Variants in LRRC28 observed in about 807,000 individuals in gnomAD.
LRRC28 encodes leucine-rich repeat-containing protein 28.
A neutral mutation model predicts 45.7 loss-of-function variants in LRRC28; 39 were observed. The observed-to-expected ratio is 0.85, with a 90% CI of 0.66 to 1.12. The LOEUF is 1.12. LRRC28 is among the 50% of genes most tolerant of loss of function. The probability of loss-of-function intolerance (pLI) is 0.00; values close to 1 mark genes in which losing one functional copy is unlikely to be tolerated. For synonymous variants in LRRC28, 206 were observed against 178.8 expected (o/e 1.15, Z -1.22); for missense variants, 435 against 438.5 (o/e 0.99, Z 0.07).
At chr15:99,358,569 A>C (rs191908128) in intron 7 of LRRC28, among the ~76,000 whole-genome samples, 67 of 152,348 alleles carry the variant, frequency 4.4e-4, no homozygotes, top group Admixed American at 3.7e-3. Context: ...TAGAACTGAC[A>C]CAGAATTAAA....
intron 9 of LRRC28, among the ~76,000 whole-genome samples, chr15:99,377,839 G>T (rs1597465966): frequency 2.0e-5 from 3 of 152,292 alleles, no homozygotes; most frequent in Admixed American, 2.0e-4. Flanking sequence ...GTTTGTCAAA[G>T]ATCAGATGGT....
At chr15:99,381,381 A>T (rs1957818952) in intron 9 of LRRC28, among the ~76,000 whole-genome samples, 2 of 152,174 alleles carry the variant, frequency 1.3e-5, no homozygotes, top group African/African-American at 4.8e-5. Context: ...TTTCAGCTCC[A>T]TCAGGTCATT....
chr15:99,280,525 C>T (rs765542457), intron 3 of LRRC28, among the ~76,000 whole-genome samples: 27 of 151,224 alleles, frequency 1.8e-4, no homozygotes, highest in Non-Finnish European at 3.2e-4. Context: ...TCAGCACGTT[C>T]ATGATATTCA....
intron 3 of LRRC28, chr15:99,285,400 A>C: frequency 1.3e-6 from 1 of 748,462 alleles, no homozygotes; most frequent in Non-Finnish European, 2.4e-6. Flanking sequence ...TGGTATAGTG[A>C]CAAACCCAAA....
At chr15:99,322,123 A>G (rs1279654264) in intron 5 of LRRC28, among the ~76,000 whole-genome samples, 2 of 152,196 alleles carry the variant, frequency 1.3e-5, no homozygotes, top group African/African-American at 2.4e-5. Flanking sequence ...TGGGCCAGAC[A>G]GAAGGAAGGA....
chr15:99,316,985 A>G (rs1955617751), intron 5 of LRRC28, among the ~76,000 whole-genome samples: 1 of 148,294 alleles, frequency 6.7e-6, no homozygotes, highest in African/African-American at 2.5e-5. Context: ...AACAGGTGTG[A>G]GCCACCTACT....
At chr15:99,321,181 A>G (rs1955782579) in intron 5 of LRRC28, among the ~76,000 whole-genome samples, 2 of 152,204 alleles carry the variant, frequency 1.3e-5, no homozygotes, top group Admixed American at 1.3e-4. Flanking sequence ...CTATATCAAG[A>G]TCTTAAGGGA....
intron 9 of LRRC28, among the ~76,000 whole-genome samples, chr15:99,382,752 CATTTGAAAAA>C (rs1957867254): frequency 1.7e-5 from 2 of 117,234 alleles, no homozygotes; most frequent in South Asian, 3.4e-4. Flanking sequence ...GGTCCATGGG[CATTTGAAAAA>C]AACAACGTAG....
chr15:99,299,628 G>A (rs1213675022), intron 5 of LRRC28, among the ~76,000 whole-genome samples: 1 of 152,096 alleles, frequency 6.6e-6, no homozygotes, highest in South Asian at 2.1e-4. Flanking sequence ...TAGAGTTAAC[G>A]CTTGTTTTAA....
chr15:99,338,813 A>G (rs1956411534), intron 6 of LRRC28, among the ~76,000 whole-genome samples: 1 of 152,258 alleles, frequency 6.6e-6, no homozygotes, highest in African/African-American at 2.4e-5. Context: ...GTCTTTGAGT[A>G]TGTTTCCCTA....
At chr15:99,276,711 G>A in intron 3 of LRRC28, 95 bp downstream of exon 3, 2 of 1,029,044 alleles carry the variant, frequency 1.9e-6, no homozygotes, top group Non-Finnish European at 2.7e-6. Context: ...GTATTAATTT[G>A]TTATTTTTTG....
At chr15:99,286,398 T>G (rs2081960758) in intron 3 of LRRC28, among the ~76,000 whole-genome samples, 1 of 152,218 alleles carries the variant, frequency 6.6e-6, no homozygotes. Context: ...CCCAAAGTGC[T>G]GGGATTACAG....
At chr15:99,330,402 A>G (rs116018967) in intron 5 of LRRC28, among the ~76,000 whole-genome samples, 2,541 of 152,208 alleles carry the variant, frequency 0.017, 63 homozygotes, top group African/African-American at 0.057. Flanking sequence ...TTTTTGCTTT[A>G]TATAATGTTA....
intron 2 of LRRC28, among the ~76,000 whole-genome samples, chr15:99,275,933 G>A (rs1026794967): frequency 2.0e-5 from 3 of 152,166 alleles, no homozygotes; most frequent in African/African-American, 7.2e-5. Context: ...AGGCAAGCAA[G>A]CGAAGCTTCA....
chr15:99,285,568 C>CT, intron 3 of LRRC28: 1 of 838,252 alleles, frequency 1.2e-6, no homozygotes, highest in East Asian at 2.4e-5. Context: ...AGGAGACTGA[C>CT]TTAGACTTGA....
intron 2 of LRRC28, among the ~76,000 whole-genome samples, chr15:99,273,891 T>A (rs1026372210): frequency 6.6e-6 from 1 of 152,230 alleles, no homozygotes; most frequent in African/African-American, 2.4e-5. Context: ...CTTTCCTTTT[T>A]ATAGGAACAG....
chr15:99,325,972 G>C (rs972167543), intron 5 of LRRC28, among the ~76,000 whole-genome samples: 16 of 152,108 alleles, frequency 1.1e-4, no homozygotes, highest in African/African-American at 3.9e-4. Flanking sequence ...CCAATGGGAA[G>C]GCTTGTTGGT....
At chr15:99,306,601 A>G (rs944032709) in intron 5 of LRRC28, among the ~76,000 whole-genome samples, 5 of 152,220 alleles carry the variant, frequency 3.3e-5, no homozygotes, top group African/African-American at 1.2e-4. Flanking sequence ...TGTATTTGTA[A>G]TACCCTTCCA....
intron 1 of LRRC28, among the ~76,000 whole-genome samples, chr15:99,254,608 G>A (rs28631063): frequency 0.02 from 3,019 of 152,324 alleles, 92 homozygotes; most frequent in African/African-American, 0.069. Context: ...GGAATCTTGT[G>A]AGTCAGTGTC....
Sources: allele counts gnomAD v4.1 joint callset (sites outside exome capture counted in the v4.1 genomes callset), GRCh38; gene constraint gnomAD v4.1.1; transcripts MANE v1.5; gene names NCBI Gene and HGNC (gene_info 2026-07-23, HGNC 2026-07-21).